Variants in IL16 observed in about 807,000 individuals in gnomAD.
IL16 encodes the protein pro-interleukin-16.
A neutral mutation model predicts 110.1 loss-of-function variants in IL16; 67 were observed. The ratio of observed to expected loss-of-function variants is 0.61; its 90% CI spans 0.50 to 0.75. The LOEUF (loss-of-function observed/expected upper bound fraction) is 0.75, where lower values mean the gene tolerates loss of function less well. Among genes scored for constraint, IL16 ranks in the 30% least tolerant of loss-of-function variants. The pLI is 0.00. For missense variants in IL16, 1,545 were observed against 1,655.0 expected, an observed-to-expected ratio of 0.93 and a Z score of 1.15; for synonymous variants, 689 against 662.9, an observed-to-expected ratio of 1.04 and a Z score of -0.61.
chr15:81,275,359 AGGGG>A (rs796741900), intron 6 of IL16, among the ~76,000 whole-genome samples: 14 of 9,820 alleles, frequency 1.4e-3, no homozygotes, highest in African/African-American at 5.3e-3. Flanking sequence ...ACGGGGGAGG[AGGGG>A]GGGGAGGGGA....
rs1900734840 is a variant in IL16 at position 81,309,352 on chromosome 15, C to G, written c.*554C>G. 6.6e-6 allele frequency: 1 copy of G among 152,616 alleles called. No homozygotes were observed. Among genetic ancestry groups the G allele is most frequent in the Non-Finnish European group, 1.5e-5 (1 of 68,322 alleles). 9.5% of individuals were successfully genotyped at this position (152,616 alleles called of 1,614,324 possible). A position where few individuals can be genotyped will look rare whatever the true frequency, so the allele number is the denominator to read the frequency against. On this transcript the variant is annotated 3_prime_UTR_variant, in exon 19 of 19. Transcript: ENST00000683961. ...TCACCTGGGGCTGCTGGCCTGAATG[C>G]TTATAGGTGGCCTCTCCTTGTGGCC...
chr15:81,193,530 T>C (rs1895531250), upstream of IL16, among the ~76,000 whole-genome samples: 1 of 152,064 alleles, frequency 6.6e-6, no homozygotes, highest in African/African-American at 2.4e-5. Context: ...GAATATTACT[T>C]TGAAAGGATG....
intron 9 of IL16, among the ~76,000 whole-genome samples, chr15:81,285,236 T>G (rs1296673023): frequency 6.6e-6 from 1 of 152,206 alleles, no homozygotes; most frequent in African/African-American, 2.4e-5. Context: ...ATGTAGGATG[T>G]TAGGTCCGAT....
At chr15:81,259,696 T>A (rs1260532055) in intron 2 of IL16, 76 bp from the exon 3 acceptor site, 9 of 869,820 alleles carry the variant, frequency 1.0e-5, no homozygotes, top group Non-Finnish European at 1.8e-5. Context: ...CTATGGTCAG[T>A]GTCAAAATCC....
intron 1 of IL16, among the ~76,000 whole-genome samples, chr15:81,214,031 T>TTTTG (rs925644693): frequency 2.0e-5 from 3 of 151,858 alleles, no homozygotes; most frequent in Non-Finnish European, 2.9e-5. Context: ...TTTGTTTTTT[T>TTTTG]TTTGTTTGTT....
intron 1 of IL16, among the ~76,000 whole-genome samples, chr15:81,205,254 C>A (rs552950296): frequency 1.3e-5 from 2 of 149,042 alleles, no homozygotes; most frequent in African/African-American, 2.5e-5. Context: ...TGCAGTGAGC[C>A]GAGATCACAC....
At chr15:81,212,595 C>G (rs1352565810) in intron 1 of IL16, among the ~76,000 whole-genome samples, 1 of 152,052 alleles carries the variant, frequency 6.6e-6, no homozygotes, top group East Asian at 1.9e-4. Context: ...CTTCAGCCTC[C>G]CAAGTAACTG....
At chr15:81,225,183 C>T in intron 1 of IL16, 116 bp from the exon 2 acceptor site, 1 of 785,604 alleles carries the variant, frequency 1.3e-6, no homozygotes, top group Non-Finnish European at 2.0e-6. Flanking sequence ...GATGATCTGC[C>T]CATCTGTCCT....
intron 2 of IL16, among the ~76,000 whole-genome samples, chr15:81,230,877 A>G (rs1595972411): frequency 6.6e-6 from 1 of 152,200 alleles, no homozygotes; most frequent in Non-Finnish European, 1.5e-5. Context: ...GGACAAAGGT[A>G]GGATTCCCTG....
At chr15:81,188,066 G>GC (rs1170572846) in intron 1 of IL16, among the ~76,000 whole-genome samples, 1 of 152,146 alleles carries the variant, frequency 6.6e-6, no homozygotes, top group African/African-American at 2.4e-5. Flanking sequence ...CCTCACCTGA[G>GC]CCCCCATGGA....
At chr15:81,302,195 T>A (rs1164697303) in intron 15 of IL16, 1 of 152,346 alleles carries the variant, frequency 6.6e-6, no homozygotes, top group Non-Finnish European at 1.5e-5. Context: ...AAGGAGGTTC[T>A]CGTTTTCCAT....
chr15:81,243,424 A>G (rs947208460), intron 2 of IL16, among the ~76,000 whole-genome samples: 1 of 151,558 alleles, frequency 6.6e-6, no homozygotes, highest in African/African-American at 2.4e-5. Flanking sequence ...AGCTCAAGCA[A>G]TCCACCTGCC....
intron 3 of IL16, among the ~76,000 whole-genome samples, chr15:81,260,280 A>T (rs568639820): frequency 6.5e-4 from 99 of 152,372 alleles, no homozygotes; most frequent in African/African-American, 2.3e-3. Context: ...GAAGAATGCA[A>T]TAATACAGAA....
At position 81,285,708 on chromosome 15, in the gene IL16, G is replaced by A. The variant is rs746143844; in HGVS notation, c.1210G>A (p.Glu404Lys). The A allele has an allele frequency of 6.8e-5, 110 of 1,614,006 alleles. No individual in the cohort carries two copies. The highest frequency in any genetic ancestry group is 4.9e-4 in the Middle Eastern group (3 of 6,084). Residue 404 changes from glutamate to lysine, a missense_variant, in exon 10 of 19, where the codon GAG becomes AAG. Around this residue, in one of 3 missense-constraint regions of IL16, gnomAD observed 1,185 missense variants for 1,238.8 expected, o/e 0.96. Coordinates refer to ENST00000683961, the MANE Select transcript of IL16 (RefSeq NM_172217.5). ...HLDGRLRCGD[E>K]IVEISDSPVH... ...TTGATGCTTGCACAGGTGTGGGGAC[G>A]AGATTGTGGAAATCAGTGATTCCCC...
At chr15:81,216,878 G>A (rs1005798875) in intron 1 of IL16, among the ~76,000 whole-genome samples, 12 of 152,194 alleles carry the variant, frequency 7.9e-5, no homozygotes, top group Admixed American at 1.3e-4. Context: ...TTTCTTCAAG[G>A]TCAGGCATAG....
chr15:81,257,352 T>C (rs1010467563), intron 2 of IL16, among the ~76,000 whole-genome samples: 3 of 152,220 alleles, frequency 2.0e-5, no homozygotes, highest in Non-Finnish European at 4.4e-5. Flanking sequence ...AGAGTACACT[T>C]GATTAACTCC....
chr15:81,186,462 T>G (rs1024046364), intron 1 of IL16, among the ~76,000 whole-genome samples: 1 of 152,130 alleles, frequency 6.6e-6, no homozygotes, highest in African/African-American at 2.4e-5. Flanking sequence ...TTTCTACATA[T>G]CCATACTGCT....
In IL16 at chr15:81,256,350, T is replaced by TTC. The variant is rs1236874885; in HGVS notation, c.313-3421_313-3420insCT. ...TTACAAACTTTTTTTTTTTTTTTTT[T>TTC]TGAGACAGAGTCTCGCTCTGTCACC... is the stretch of plus-strand genomic sequence containing the variant. On this transcript the variant is annotated intron_variant, in intron 2 of 18. Coordinates refer to ENST00000683961, the MANE Select transcript of IL16 (RefSeq NM_172217.5). 1.6e-3 allele frequency among the ~76,000 whole-genome samples: 247 copies of TTC among 151,354 alleles called. 1 individual carries two copies. The highest frequency in any genetic ancestry group is 5.8e-3 in the African/African-American group (240 of 41,102).
intron 2 of IL16, among the ~76,000 whole-genome samples, chr15:81,239,872 A>T (rs1897290385): frequency 6.6e-6 from 1 of 152,216 alleles, no homozygotes; most frequent in Non-Finnish European, 1.5e-5. Context: ...GATAGTAGAT[A>T]GAAAGAAAAT....
Sources: allele counts gnomAD v4.1 joint callset (sites outside exome capture counted in the v4.1 genomes callset), GRCh38; gene constraint gnomAD v4.1.1; regional missense constraint gnomAD v4.1.1; transcripts MANE v1.5; gene names NCBI Gene and HGNC (gene_info 2026-07-23, HGNC 2026-07-21).